Variants in MSANTD1 observed in about 807,000 individuals in gnomAD.
MSANTD1 encodes myb/SANT-like DNA-binding domain-containing protein 1.
Under a neutral mutation model 24.2 loss-of-function variants are expected in MSANTD1, and 7 were observed. The ratio of observed to expected loss-of-function variants is 0.29; its 90% CI spans 0.16 to 0.54. The LOEUF (loss-of-function observed/expected upper bound fraction) is 0.54. MSANTD1 is among the 20% of genes least tolerant of loss of function. The pLI is 0.94. For missense variants in MSANTD1, 384 were observed against 408.2 expected (o/e 0.94, Z 0.51); for synonymous variants, 177 against 181.1 (o/e 0.98, Z 0.18).
chr4:3,254,965 C>T (rs1335593853), intron 2 of MSANTD1, among the ~76,000 whole-genome samples: 1 of 152,190 alleles, frequency 6.6e-6, no homozygotes, highest in African/African-American at 2.4e-5. Context: ...GTCCTGAGTA[C>T]TCTGCACTAC....
Position 3,255,975 on chromosome 4 carries a change from C to G in MSANTD1, c.*10C>G. Reference sequence around the variant, plus strand: ...CAAGTCCAGCGTCTAGGCCAGCAGGCGGCGGCGGCGGCGGGGCCGGGCGGC... The same window carrying G: ...CAAGTCCAGCGTCTAGGCCAGCAGGGGGCGGCGGCGGCGGGGCCGGGCGGC... On this transcript the variant is annotated 3_prime_UTR_variant, in exon 3 of 3. Coordinates refer to ENST00000438480, the MANE Select transcript of MSANTD1 (RefSeq NM_001042690.2). 1 of 1,409,862 alleles carries G rather than the reference C, an allele frequency of 7.1e-7. No homozygotes were observed. The highest frequency in any genetic ancestry group is 1.5e-5 in the African/African-American group (1 of 68,304). The allele number at this position is 1,409,862 out of a possible 1,614,324, so 87.3% of individuals were successfully genotyped here.
At position 3,255,812 on chromosome 4, in the gene MSANTD1, G is replaced by A. The variant is rs1722367453; in HGVS notation, c.684G>A (p.Glu228=). 6.5e-7 allele frequency: 1 copy of A among 1,546,426 alleles called. No homozygotes were observed. Among genetic ancestry groups the A allele is most frequent in the African/African-American group, 1.4e-5 (1 of 73,006 alleles). ...KQLRLLEAMV[E]EQRRLSRAVE... ...TGCGGCTGCTGGAGGCCATGGTGGA[G>A]GAGCAGCGCCGGCTGAGCCGCGCCG... is the stretch of plus-strand genomic sequence containing the variant. Residue 228 remains glutamate (E), a synonymous_variant, in exon 3 of 3, where the codon GAG becomes GAA. Transcript: ENST00000438480.
At chr4:3,250,275 A>C (rs1038999117) in intron 1 of MSANTD1, among the ~76,000 whole-genome samples, 7 of 152,186 alleles carry the variant, frequency 4.6e-5, no homozygotes, top group African/African-American at 1.7e-4. Context: ...TGCTCCTGCT[A>C]CATGGCAGGT....
At chr4:3,253,883 C>A (rs549565095) in intron 2 of MSANTD1, among the ~76,000 whole-genome samples, 1 of 152,258 alleles carries the variant, frequency 6.6e-6, no homozygotes, top group African/African-American at 2.4e-5. Context: ...TCCCTTAGCC[C>A]ACACAGACCC....
At chr4:3,247,522 A>C (rs1722067647), upstream of MSANTD1, 2 of 152,184 alleles carry the variant, frequency 1.3e-5, no homozygotes, top group South Asian at 4.1e-4. Context: ...CTTCATCTGC[A>C]GGCACTCCAC....
In MSANTD1 at chr4:3,249,279, C is replaced by T. The variant is rs767420976; in HGVS notation, c.57C>T (p.Gly19=). Residue 19 remains glycine (G), a synonymous_variant, in exon 1 of 3, where the codon GGC becomes GGT. Transcript: ENST00000438480. ...PSLSALSHPT[G]ASGMAAAEGP... is the part of the protein sequence containing the mutation. ...TGAGCGCGCTCTCTCACCCCACAGG[C>T]GCCTCCGGCATGGCGGCGGCCGAGG... 6.1e-4 allele frequency: 932 copies of T among 1,515,886 alleles called. No individual in the cohort carries two copies. The highest frequency in any genetic ancestry group is 7.5e-4 in the Non-Finnish European group (851 of 1,127,822). The allele number at this position is 1,515,886 out of a possible 1,614,324, so 93.9% of individuals were successfully genotyped here. A position where few individuals can be genotyped will look rare whatever the true frequency, so the allele number is the denominator to read the frequency against.
Position 3,256,342 on chromosome 4 carries a change from G to C in MSANTD1, c.*377G>C, listed in dbSNP as rs1303393488. 1 of 159,536 alleles carries C rather than the reference G, an allele frequency of 6.3e-6. No individual in the cohort carries two copies. The highest frequency in any genetic ancestry group is 6.5e-5 in the Admixed American group (1 of 15,480). 9.9% of individuals were successfully genotyped at this position (159,536 alleles called of 1,614,324 possible). ...ACGCACAGTTTGCTGTTGCTGGCTT[G>C]GTGAGGATGCCCTGATTGATGGATC... is the stretch of plus-strand genomic sequence containing the variant. On this transcript the variant is annotated 3_prime_UTR_variant, in exon 3 of 3. Transcript: ENST00000438480.
chr4:3,251,084 C>T (rs1306163122), intron 1 of MSANTD1, among the ~76,000 whole-genome samples: 1 of 152,212 alleles, frequency 6.6e-6, no homozygotes, highest in African/African-American at 2.4e-5. Context: ...GGCTGGCTTG[C>T]GACGTGAGGG....
chr4:3,251,285 C>T (rs991197988), intron 1 of MSANTD1, among the ~76,000 whole-genome samples: 6 of 152,226 alleles, frequency 3.9e-5, no homozygotes, highest in Admixed American at 3.9e-4. Flanking sequence ...CACCACCTCC[C>T]TGGCTGGCTC....
chr4:3,246,509 GC>G, upstream of MSANTD1: 1 of 544,042 alleles, frequency 1.8e-6, no homozygotes. Flanking sequence ...TCTAGCCTGA[GC>G]CCAGCAGGGC....
upstream of MSANTD1, among the ~76,000 whole-genome samples, chr4:3,245,882 G>T (rs925987904): frequency 4.3e-4 from 66 of 152,306 alleles, 1 homozygote; most frequent in African/African-American, 1.1e-3. Flanking sequence ...CCCTGGGTGG[G>T]CCCTGTGGAC....
intron 1 of MSANTD1, among the ~76,000 whole-genome samples, chr4:3,251,623 C>T (rs1452800332): frequency 6.6e-6 from 1 of 152,006 alleles, no homozygotes; most frequent in African/African-American, 2.4e-5. Context: ...CTGGGTGACT[C>T]GATCTTTGTC....
At chr4:3,255,681 A>G in intron 2 of MSANTD1, 44 bp from the exon 3 acceptor site, 2 of 1,485,486 alleles carry the variant, frequency 1.3e-6, no homozygotes, top group Non-Finnish European at 9.0e-7. Flanking sequence ...TGGTGTGCCC[A>G]GGCTCTGTGG....
chr4:3,254,461 T>C (rs1225421294), intron 2 of MSANTD1, among the ~76,000 whole-genome samples: 1 of 152,218 alleles, frequency 6.6e-6, no homozygotes, highest in African/African-American at 2.4e-5. Context: ...CTCAGCTGCC[T>C]GGGGCCTTGC....
At chr4:3,246,096 C>A (rs1203906024), upstream of MSANTD1, among the ~76,000 whole-genome samples, 1 of 152,194 alleles carries the variant, frequency 6.6e-6, no homozygotes, top group African/African-American at 2.4e-5. Flanking sequence ...CCTGCCCCAG[C>A]GGCGGCAGTG....
At chr4:3,250,008 T>C (rs1022833360) in intron 1 of MSANTD1, among the ~76,000 whole-genome samples, 1 of 152,070 alleles carries the variant, frequency 6.6e-6, no homozygotes, top group Admixed American at 6.5e-5. Flanking sequence ...TACTGCGTCA[T>C]TGGGGAAATT....
intron 1 of MSANTD1, 117 bp from the exon 2 acceptor site, chr4:3,253,090 C>T (rs1722277159): frequency 8.9e-7 from 1 of 1,121,196 alleles, no homozygotes; most frequent in Non-Finnish European, 1.2e-6. Flanking sequence ...AGGCCCTTGC[C>T]AGCCGAGAGC....
At chr4:3,251,485 A>C (rs2110320501) in intron 1 of MSANTD1, among the ~76,000 whole-genome samples, 1 of 152,216 alleles carries the variant, frequency 6.6e-6, no homozygotes. Flanking sequence ...TGGCTGATGA[A>C]GCACTTCCAC....
At position 3,249,496 on chromosome 4, in the gene MSANTD1, G is replaced by T; in HGVS notation, c.274G>T (p.Gly92Cys). 1 of 1,612,022 alleles carries T rather than the reference G, an allele frequency of 6.2e-7. No homozygotes were observed. Among genetic ancestry groups the T allele is most frequent in the Non-Finnish European group, 8.5e-7 (1 of 1,179,662 alleles). ...LFEMTGERRLGEEIKIKITNM... is the reference protein window; with the variant it reads ...LFEMTGERRLCEEIKIKITNM... ...CGAGATGACCGGCGAGCGCAGGCTG[G>T]GCGAGGAGATCAAGATCAAGATCAC... The change falls in exon 1 of 3, where the codon GGC becomes TGC. Residue 92 changes from glycine (G) to cysteine (C), a missense_variant. Physicochemically the swap from Gly to Cys is radical, Grantham distance 159. Transcript: ENST00000438480.
Sources: gnomAD v4.1 joint callset for allele counts (sites outside exome capture counted in the v4.1 genomes callset) on GRCh38, gnomAD v4.1.1 for gene constraint, MANE v1.5 for transcripts, NCBI Gene and HGNC (gene_info 2026-07-23, HGNC 2026-07-21) for gene names.